The following FAM161A variants were observed in gnomAD, a reference collection of about 807,000 sequenced individuals.
FAM161A encodes protein FAM161A.
In FAM161A, 57 loss-of-function variants were observed where a neutral mutation model predicts 70.9. That is an observed-to-expected ratio of 0.80 (90% confidence interval 0.65 to 1.00). The LOEUF (loss-of-function observed/expected upper bound fraction) is 1.00, where lower values mean the gene tolerates loss of function less well. Among genes scored for constraint, FAM161A ranks in the 50% least tolerant of loss-of-function variants. The pLI, the probability that FAM161A is intolerant of heterozygous loss-of-function variation, is 0.00. For missense variants in FAM161A, 880 were observed against 836.0 expected, an observed-to-expected ratio of 1.05 and a Z score of -0.65; for synonymous variants, 299 against 295.7, an observed-to-expected ratio of 1.01 and a Z score of -0.12.
At chr2:61,841,573 A>T (rs1673021126) in intron 2 of FAM161A, among the ~76,000 whole-genome samples, 1 of 152,142 alleles carries the variant, frequency 6.6e-6, no homozygotes, top group African/African-American at 2.4e-5. Flanking sequence ...GCTAGTCTCT[A>T]AGCTCCTTGA....
At chr2:61,841,977 C>A in intron 2 of FAM161A, 145 bp downstream of exon 2, 1 of 667,770 alleles carries the variant, frequency 1.5e-6, no homozygotes. Flanking sequence ...AGCCATTAAA[C>A]ATTTTGAATA....
chr2:61,842,065 C>T (rs1673036375), intron 2 of FAM161A, 57 bp downstream of exon 2: 1 of 1,111,122 alleles, frequency 9.0e-7, no homozygotes, highest in Admixed American at 1.7e-5. Context: ...TTGTTCTGTC[C>T]TTTTAAGGAT....
chr2:61,844,270 GTTTC>G (rs1248637321), intron 1 of FAM161A, among the ~76,000 whole-genome samples: 3 of 152,180 alleles, frequency 2.0e-5, no homozygotes, highest in Non-Finnish European at 4.4e-5. Flanking sequence ...ATCTTCTGCT[GTTTC>G]TTTATGTGCT....
intron 5 of FAM161A, among the ~76,000 whole-genome samples, chr2:61,832,244 C>CA (rs1355978378): frequency 4.7e-4 from 66 of 141,156 alleles, no homozygotes; most frequent in Non-Finnish European, 7.3e-4. Flanking sequence ...CCCTGTCACA[C>CA]ACACACAAAA....
the FAM161A span, among the ~76,000 whole-genome samples, chr2:61,812,580 G>A: frequency 6.6e-6 from 1 of 152,014 alleles, no homozygotes; most frequent in African/African-American, 2.4e-5. Context: ...AAATTAGCCG[G>A]GCATGGTGGT....
chr2:61,826,139 T>C lies in FAM161A; in HGVS notation c.*316A>G, dbSNP rs1212269617. ...TTCAATACTAAGCCATTTTTTCCAG[T>C]AAAATTAATGAAATAATGTATATTT... On this transcript the variant is annotated 3_prime_UTR_variant, in exon 7 of 7. Coordinates refer to ENST00000404929, the MANE Select transcript of FAM161A (RefSeq NM_001201543.2). 4.0e-6 allele frequency: 2 copies of C among 502,558 alleles called. No individual in the cohort carries two copies. Among genetic ancestry groups the C allele is most frequent in the Admixed American group, 4.6e-5 (2 of 43,898 alleles). 31.1% of individuals were successfully genotyped at this position (502,558 alleles called of 1,614,324 possible).
chr2:61,813,286 A>G, the FAM161A span, among the ~76,000 whole-genome samples: 2 of 151,798 alleles, frequency 1.3e-5, no homozygotes, highest in Non-Finnish European at 2.9e-5. Context: ...TAATTTTAAA[A>G]ATTAGCCAGC....
the FAM161A span, among the ~76,000 whole-genome samples, chr2:61,800,798 A>C: frequency 9.2e-5 from 14 of 152,114 alleles, no homozygotes; most frequent in Admixed American, 5.9e-4. Flanking sequence ...GCTCATTATA[A>C]ATCTGATATT....
chr2:61,849,783 C>CAA (rs764962950), intron 1 of FAM161A, among the ~76,000 whole-genome samples: 32 of 53,552 alleles, frequency 6.0e-4, no homozygotes, highest in African/African-American at 3.5e-4. Context: ...GACTCCATCA[C>CAA]AAAAAAAAAA....
chr2:61,818,030 C>T, the FAM161A span, among the ~76,000 whole-genome samples: 7 of 151,860 alleles, frequency 4.6e-5, no homozygotes, highest in Admixed American at 1.3e-4. Flanking sequence ...AACAATGACA[C>T]CTAGTAACAA....
chr2:61,853,045 A>G (rs1830407), intron 1 of FAM161A, among the ~76,000 whole-genome samples: 147,775 of 150,994 alleles, frequency 0.98, 72,322 homozygotes, highest in East Asian at 1. Flanking sequence ...CCGAGTAACT[A>G]GGATTACAGG....
At chr2:61,821,242 G>A (rs770040043), downstream of FAM161A, among the ~76,000 whole-genome samples, 9 of 151,958 alleles carry the variant, frequency 5.9e-5, no homozygotes, top group Non-Finnish European at 1.0e-4. Context: ...TAGTAGAGAT[G>A]GGGTTTCACC....
At chr2:61,838,381 T>G (rs1159182625) in intron 4 of FAM161A, among the ~76,000 whole-genome samples, 157 bp downstream of exon 4, 1 of 152,190 alleles carries the variant, frequency 6.6e-6, no homozygotes, top group East Asian at 1.9e-4. Flanking sequence ...ATGAGGTGAG[T>G]GTGTGTGCAC....
chr2:61,815,744 T>A, the FAM161A span, among the ~76,000 whole-genome samples: 3 of 151,776 alleles, frequency 2.0e-5, no homozygotes, highest in Admixed American at 2.0e-4. Context: ...AGAGACTGGG[T>A]TTCACCAGGT....
chr2:61,817,234 T>C, the FAM161A span, among the ~76,000 whole-genome samples: 1 of 152,184 alleles, frequency 6.6e-6, no homozygotes, highest in African/African-American at 2.4e-5. Flanking sequence ...ACAGATCATA[T>C]TAGCAGCTTT....
the FAM161A span, among the ~76,000 whole-genome samples, chr2:61,805,624 C>G: frequency 6.6e-6 from 1 of 152,130 alleles, no homozygotes; most frequent in Non-Finnish European, 1.5e-5. Context: ...AGATAAATAC[C>G]GTTCTTCCTC....
downstream of FAM161A, among the ~76,000 whole-genome samples, chr2:61,824,665 A>C (rs1374184300): frequency 1.3e-5 from 2 of 152,134 alleles, no homozygotes; most frequent in East Asian, 3.9e-4. Context: ...ACCAAAGCCC[A>C]CACTCTCCTC....
At position 61,839,965 on chromosome 2, in the gene FAM161A, T is replaced by C; in HGVS notation, c.1039A>G (p.Lys347Glu). ...AREKQLRDFL[K>E]YKKKTNRFKA... ...AATCGATTTGTTTTCTTTTTATACT[T>C]AAGAAAGTCTCTCAGCTGCTTTTCC... The change falls in exon 3 of 7, where the codon AAG becomes GAG. Residue 347 changes from lysine to glutamate, a missense_variant. Lys to Glu is a moderately conservative substitution (Grantham distance 56). Transcript: ENST00000404929. 6.2e-7 allele frequency: 1 copy of C among 1,614,214 alleles called. No individual in the cohort carries two copies. Among genetic ancestry groups the C allele is most frequent in the South Asian group, 1.1e-5 (1 of 91,082 alleles).
intron 1 of FAM161A, chr2:61,846,810 A>G: frequency 2.5e-6 from 1 of 395,334 alleles, no homozygotes; most frequent in South Asian, 1.9e-5. Context: ...TCAGTCTAGC[A>G]ACGGTTATTC....
Sources: gnomAD v4.1 joint callset for allele counts (sites outside exome capture counted in the v4.1 genomes callset) on GRCh38, gnomAD v4.1.1 for gene constraint, MANE v1.5 for transcripts, NCBI Gene and HGNC (gene_info 2026-07-23, HGNC 2026-07-21) for gene names.